The following SMIM41 variants were observed in gnomAD, a reference collection of about 807,000 sequenced individuals.
SMIM41 encodes small integral membrane protein 41.
chr12:52,100,371 G>A (rs1339627018), intron 2 of SMIM41, among the ~76,000 whole-genome samples: 1 of 152,176 alleles, frequency 6.6e-6, no homozygotes, highest in Middle Eastern at 3.4e-3. Flanking sequence ...AATATTGGGA[G>A]TAATATCATA....
intron 2 of SMIM41, among the ~76,000 whole-genome samples, chr12:52,089,623 A>AAAACG (rs1939959775): frequency 6.6e-6 from 1 of 152,014 alleles, no homozygotes; most frequent in African/African-American, 2.4e-5. Context: ...AAAACAAAAC[A>AAAACG]AAACAAAACA....
At chr12:52,096,484 TATTA>T (rs1283981846) in intron 2 of SMIM41, among the ~76,000 whole-genome samples, 4 of 151,970 alleles carry the variant, frequency 2.6e-5, no homozygotes, top group African/African-American at 7.3e-5. Flanking sequence ...GTAATATTAG[TATTA>T]ATTATTACTC....
intron 2 of SMIM41, among the ~76,000 whole-genome samples, chr12:52,098,530 C>A (rs1299262835): frequency 3.3e-5 from 5 of 151,252 alleles, no homozygotes; most frequent in Admixed American, 2.0e-4. Context: ...GGGACGTACA[C>A]CCCGTTTGAT....
At chr12:52,090,649 T>C (rs1939984315) in intron 2 of SMIM41, among the ~76,000 whole-genome samples, 1 of 152,152 alleles carries the variant, frequency 6.6e-6, no homozygotes, top group Non-Finnish European at 1.5e-5. Flanking sequence ...TTGCACATTT[T>C]CTCAGGAAGC....
At chr12:52,096,197 GA>G (rs1278932419) in intron 2 of SMIM41, among the ~76,000 whole-genome samples, 1 of 151,082 alleles carries the variant, frequency 6.6e-6, no homozygotes, top group Non-Finnish European at 1.5e-5. Flanking sequence ...CGGATATTAG[GA>G]ACAATACCAC....
chr12:52,092,628 T>A (rs1293454401), intron 2 of SMIM41: 2 of 152,204 alleles, frequency 1.3e-5, no homozygotes, highest in Non-Finnish European at 2.9e-5. Context: ...TAGAGGAGCA[T>A]CTCATGGGAC....
At chr12:52,089,639 C>G (rs950529032) in intron 2 of SMIM41, among the ~76,000 whole-genome samples, 1 of 142,526 alleles carries the variant, frequency 7.0e-6, no homozygotes, top group Non-Finnish European at 1.5e-5. Context: ...AAACAAAAAC[C>G]TGCAGGAGAA....
intron 2 of SMIM41, among the ~76,000 whole-genome samples, chr12:52,101,896 G>A (rs112578185): frequency 3.5e-4 from 54 of 152,222 alleles, no homozygotes; most frequent in African/African-American, 1.3e-3. Flanking sequence ...ATTTTTAGTA[G>A]AGACGGGGGT....
intron 2 of SMIM41, among the ~76,000 whole-genome samples, chr12:52,102,698 T>C (rs1940241664): frequency 6.6e-6 from 1 of 152,136 alleles, no homozygotes; most frequent in Non-Finnish European, 1.5e-5. Flanking sequence ...TTAGGATGGA[T>C]ATGATAAACA....
At chr12:52,097,303 C>A (rs1940115856) in intron 2 of SMIM41, among the ~76,000 whole-genome samples, 2 of 151,894 alleles carry the variant, frequency 1.3e-5, no homozygotes, top group African/African-American at 4.8e-5. Flanking sequence ...TTACGATACA[C>A]ATCGCAGGGG....
chr12:52,095,504 G>T (rs1940077114), intron 2 of SMIM41, among the ~76,000 whole-genome samples: 2 of 152,086 alleles, frequency 1.3e-5, no homozygotes, highest in Non-Finnish European at 2.9e-5. Flanking sequence ...ATAGCATCCT[G>T]TTCCCCCTGG....
At position 52,086,146 on chromosome 12, in the gene SMIM41, T is replaced by G. The variant is rs540650188; in HGVS notation, c.*195+2178T>G. Among the ~76,000 whole-genome samples, 36 of 151,080 alleles carry G rather than the reference T, an allele frequency of 2.4e-4. No individual in the cohort carries two copies. The South Asian group carries it at 5.5e-3, about 23-fold the overall frequency. On this transcript the variant is annotated intron_variant, in intron 2 of 2. Coordinates refer to ENST00000546390, the MANE Select transcript of SMIM41 (RefSeq NM_001369216.1). ...GGGATGGGGGAGGGAGCCCGAGGAGTGGGCTCTCTTGGCAGTTGAGGAAGA... is the reference window on the plus strand; with the variant it reads ...GGGATGGGGGAGGGAGCCCGAGGAGGGGGCTCTCTTGGCAGTTGAGGAAGA...
chr12:52,107,257 G>C, intron 2 of SMIM41, 122 bp from the exon 3 acceptor site: 1 of 386,596 alleles, frequency 2.6e-6, no homozygotes, highest in South Asian at 2.0e-5. Context: ...CCAAAATGCA[G>C]ACACAATGCT....
At chr12:52,098,171 T>C (rs137928944) in intron 2 of SMIM41, among the ~76,000 whole-genome samples, 7,790 of 151,758 alleles carry the variant, frequency 0.051, 296 homozygotes, top group African/African-American at 0.15. Flanking sequence ...GGGAGTGATA[T>C]CATCCTCTCC....
intron 2 of SMIM41, among the ~76,000 whole-genome samples, chr12:52,097,568 A>G (rs1940123035): frequency 6.6e-6 from 1 of 152,104 alleles, no homozygotes; most frequent in African/African-American, 2.4e-5. Flanking sequence ...CAGTAAGATC[A>G]TCTTTTCTAT....
chr12:52,095,334 C>T (rs573477427), intron 2 of SMIM41, among the ~76,000 whole-genome samples: 14 of 151,596 alleles, frequency 9.2e-5, no homozygotes, highest in Admixed American at 3.9e-4. Flanking sequence ...GCGCCCCCCG[C>T]GATTCGGGGA....
intron 2 of SMIM41, among the ~76,000 whole-genome samples, chr12:52,103,850 C>T (rs770045304): frequency 6.6e-6 from 1 of 152,156 alleles, no homozygotes; most frequent in Non-Finnish European, 1.5e-5. Context: ...AGAATGGTGG[C>T]CCCCAGGGGT....
chr12:52,106,055 T>C (rs894563705), intron 2 of SMIM41, among the ~76,000 whole-genome samples: 1 of 152,218 alleles, frequency 6.6e-6, no homozygotes, highest in Non-Finnish European at 1.5e-5. Context: ...CATTTGTTAA[T>C]ATTTTAAGCT....
At chr12:52,090,952 G>T (rs1450905624) in intron 2 of SMIM41, among the ~76,000 whole-genome samples, 2 of 152,168 alleles carry the variant, frequency 1.3e-5, no homozygotes, top group Non-Finnish European at 2.9e-5. Context: ...ATCAAGTAAG[G>T]GTTCCAAACC....
Sources: gnomAD v4.1 joint callset for allele counts (sites outside exome capture counted in the v4.1 genomes callset) on GRCh38, gnomAD v4.1.1 for gene constraint, MANE v1.5 for transcripts, NCBI Gene and HGNC (gene_info 2026-07-23, HGNC 2026-07-21) for gene names.